Variants in WASF3 observed in about 807,000 individuals in gnomAD.
WASF3 encodes actin-binding protein WASF3.
Under a neutral mutation model 46.6 loss-of-function variants are expected in WASF3, and 11 were observed. That is an observed-to-expected ratio of 0.24 (90% CI 0.15 to 0.39). The LOEUF (loss-of-function observed/expected upper bound fraction) is 0.39. Among genes scored for constraint, WASF3 ranks in the 10% least tolerant of loss-of-function variants. The pLI is 1.00. For synonymous variants in WASF3, 242 were observed against 259.7 expected, an observed-to-expected ratio of 0.93 and a Z score of 0.65; for missense variants, 576 against 669.8, an observed-to-expected ratio of 0.86 and a Z score of 1.55.
At chr13:26,562,882 TTCG>T (rs1319858099) in intron 1 of WASF3, among the ~76,000 whole-genome samples, 1 of 12,308 alleles carries the variant, frequency 8.1e-5, no homozygotes, top group Non-Finnish European at 1.5e-4. Flanking sequence ...TCCCTTCCCC[TTCG>T]CCTCCCTCCC....
chr13:26,563,768 C>A (rs1452907540), intron 1 of WASF3, among the ~76,000 whole-genome samples: 1 of 144,224 alleles, frequency 6.9e-6, no homozygotes, highest in East Asian at 2.0e-4. Flanking sequence ...TGTGCCTCTT[C>A]TCTGGGAGAT....
At chr13:26,620,935 A>T (rs1350393802) in intron 2 of WASF3, among the ~76,000 whole-genome samples, 1 of 151,966 alleles carries the variant, frequency 6.6e-6, no homozygotes, top group African/African-American at 2.4e-5. Context: ...TTTCTGGGAG[A>T]CTTATTATTT....
intron 1 of WASF3, among the ~76,000 whole-genome samples, chr13:26,578,998 T>TTTTTTTTTTTTTTTTTTTTTTC: frequency 1.3e-5 from 1 of 76,472 alleles, no homozygotes; most frequent in African/African-American, 4.1e-5. Context: ...ATTTCCTTTT[T>TTTTTTTTTTTTTTTTTTTTTTC]TTTTTTTTTT....
chr13:26,590,110 A>G (rs1483738735), intron 1 of WASF3, among the ~76,000 whole-genome samples: 1 of 152,206 alleles, frequency 6.6e-6, no homozygotes, highest in Non-Finnish European at 1.5e-5. Flanking sequence ...ATGCTTTGTC[A>G]GTCCTCAGTT....
chr13:26,588,559 A>G (rs1191722444), intron 1 of WASF3, among the ~76,000 whole-genome samples: 1 of 152,160 alleles, frequency 6.6e-6, no homozygotes, highest in East Asian at 1.9e-4. Flanking sequence ...TGTTTCAGTT[A>G]TCATCACAGA....
intron 3 of WASF3, among the ~76,000 whole-genome samples, chr13:26,647,678 G>A (rs1291729901): frequency 1.3e-5 from 2 of 150,964 alleles, no homozygotes; most frequent in Non-Finnish European, 2.9e-5. Context: ...TTGTTCTTGT[G>A]ATAATAGCTG....
intron 2 of WASF3, among the ~76,000 whole-genome samples, chr13:26,629,642 G>C (rs1881590783): frequency 6.6e-6 from 1 of 152,142 alleles, no homozygotes; most frequent in Non-Finnish European, 1.5e-5. Flanking sequence ...TAGGCACACA[G>C]GGGAGGGGCA....
At chr13:26,680,279 C>T (rs1593187304) in intron 7 of WASF3, 1 of 1,451,648 alleles carries the variant, frequency 6.9e-7, no homozygotes, top group Non-Finnish European at 9.1e-7. Flanking sequence ...TGTACAGCCC[C>T]TCCTGGCCAC....
At chr13:26,551,451 G>C in the WASF3 span, among the ~76,000 whole-genome samples, 1 of 152,134 alleles carries the variant, frequency 6.6e-6, no homozygotes, top group Non-Finnish European at 1.5e-5. Context: ...ATGACATCAT[G>C]AAAACTCATT....
At chr13:26,559,831 T>TCTTTCTTTCTTTCTCTC in intron 1 of WASF3, among the ~76,000 whole-genome samples, 1 of 134,490 alleles carries the variant, frequency 7.4e-6, no homozygotes, top group South Asian at 2.6e-4. Context: ...TTTTTTTTTT[T>TCTTTCTTTCTTTCTCTC]TTTGAGACGG....
intron 1 of WASF3, among the ~76,000 whole-genome samples, chr13:26,586,478 A>G (rs1471028547): frequency 1.3e-5 from 2 of 152,162 alleles, no homozygotes; most frequent in Admixed American, 6.5e-5. Flanking sequence ...TTTCTAGTCT[A>G]TTCCATTATA....
Position 26,648,711 on chromosome 13 carries a change from A to G in WASF3, c.133+6308A>G, listed in dbSNP as rs193169905. Among the ~76,000 whole-genome samples the G allele has an allele frequency of 5.9e-5, 9 of 152,300 alleles. No homozygotes were observed. The East Asian group carries it at 1.5e-3, about 26-fold the overall frequency. On this transcript the variant is annotated intron_variant, in intron 3 of 9. Coordinates refer to ENST00000335327, the MANE Select transcript of WASF3 (RefSeq NM_006646.6). ...CACAGCAAGAATTTAAGAATTTTTA[A>G]TGCTGCAAACTTATTTTTGCATCTC... is the stretch of plus-strand genomic sequence containing the variant.
chr13:26,611,339 C>T (rs1880972545), intron 1 of WASF3, among the ~76,000 whole-genome samples: 2 of 152,110 alleles, frequency 1.3e-5, no homozygotes, highest in South Asian at 4.2e-4. Context: ...ATGCTTAGAC[C>T]TGAGTAAAAC....
chr13:26,617,877 C>CTGA (rs1020001752), intron 2 of WASF3, among the ~76,000 whole-genome samples: 13 of 152,042 alleles, frequency 8.6e-5, no homozygotes, highest in African/African-American at 3.1e-4. Context: ...CTCATGAGAT[C>CTGA]TGATGATTTT....
chr13:26,637,760 C>A (rs572930731), intron 2 of WASF3, among the ~76,000 whole-genome samples: 1 of 152,186 alleles, frequency 6.6e-6, no homozygotes, highest in Non-Finnish European at 1.5e-5. Context: ...CTTTAGCAAT[C>A]GAGCCATGAC....
intron 2 of WASF3, among the ~76,000 whole-genome samples, chr13:26,628,589 T>G (rs1881543122): frequency 6.6e-6 from 1 of 152,226 alleles, no homozygotes; most frequent in Admixed American, 6.5e-5. Context: ...GAACACAGTC[T>G]TACCTCTTCC....
intron 3 of WASF3, among the ~76,000 whole-genome samples, chr13:26,652,509 C>T (rs550893240): frequency 6.6e-6 from 1 of 152,162 alleles, no homozygotes; most frequent in East Asian, 1.9e-4. Context: ...ATATACCAGC[C>T]AGTCTGACTT....
At chr13:26,654,604 T>A (rs1882413921) in intron 3 of WASF3, among the ~76,000 whole-genome samples, 2 of 152,226 alleles carry the variant, frequency 1.3e-5, no homozygotes, top group Admixed American at 1.3e-4. Context: ...TGAATATGCT[T>A]AATAATCAAT....
chr13:26,570,990 A>G lies in WASF3; in HGVS notation c.-109+13171A>G, dbSNP rs540760910. Among the ~76,000 whole-genome samples the G allele has an allele frequency of 5.9e-5, 9 of 152,258 alleles. No individual in the cohort carries two copies. In the East Asian group the frequency reaches 7.7e-4, roughly 13 times the overall value. On this transcript the variant is annotated intron_variant, in intron 1 of 9. Transcript: ENST00000335327. ...TTGTGAAGCTTTCAAATTTTTGCCA[A>G]TCTAATAGGTGAAAAATCTTTGTGT...
Sources: gnomAD v4.1 joint callset for allele counts (sites outside exome capture counted in the v4.1 genomes callset) on GRCh38, gnomAD v4.1.1 for gene constraint, MANE v1.5 for transcripts, NCBI Gene and HGNC (gene_info 2026-07-23, HGNC 2026-07-21) for gene names.